ARHGAP15: variants seen among roughly 807,000 people sequenced by gnomAD.
The protein encoded by ARHGAP15 is Rho GTPase activating protein 15.
ARHGAP15 carries 51 observed loss-of-function variants against 63.7 expected under a neutral mutation model. That is an observed-to-expected ratio of 0.80 (90% CI 0.64 to 1.01). The LOEUF is 1.01. ARHGAP15 is among the 50% of genes least tolerant of loss of function. The probability of loss-of-function intolerance (pLI) is 0.00; values close to 1 mark genes in which losing one functional copy is unlikely to be tolerated. For synonymous variants in ARHGAP15, 191 were observed against 193.8 expected, an observed-to-expected ratio of 0.99 and a Z score of 0.12; for missense variants, 560 against 564.6, an observed-to-expected ratio of 0.99 and a Z score of 0.08.
chr2:143,148,430 C>T (rs1689679950), intron 1 of ARHGAP15, among the ~76,000 whole-genome samples: 1 of 152,008 alleles, frequency 6.6e-6, no homozygotes, highest in African/African-American at 2.4e-5. Context: ...GCTTTGCTCC[C>T]AACAGGATGG....
intron 8 of ARHGAP15, among the ~76,000 whole-genome samples, chr2:143,438,465 T>C (rs753920273): frequency 2.6e-5 from 4 of 152,006 alleles, no homozygotes; most frequent in South Asian, 2.1e-4. Context: ...ATCTAGAAAT[T>C]GCATGAGAAT....
chr2:143,662,003 G>A lies in ARHGAP15; in HGVS notation c.1138+37736G>A, dbSNP rs531675052. Among the ~76,000 whole-genome samples, 382 of 152,304 alleles carry A rather than the reference G, an allele frequency of 2.5e-3. 4 individuals are homozygous for A. Among genetic ancestry groups the A allele is most frequent in the African/African-American group, 8.7e-3 (362 of 41,562 alleles). ...CAGCGAGGCTGGGGGAGGGGCGCCCGCCATTGCCCAGGCTTGCTTAGGTAA... is the reference window on the plus strand; with the variant it reads ...CAGCGAGGCTGGGGGAGGGGCGCCCACCATTGCCCAGGCTTGCTTAGGTAA... On this transcript the variant is annotated intron_variant, in intron 12 of 13. Transcript: ENST00000295095.
At chr2:143,340,686 T>C (rs116429186) in intron 6 of ARHGAP15, among the ~76,000 whole-genome samples, 1,962 of 152,170 alleles carry the variant, frequency 0.013, 43 homozygotes, top group African/African-American at 0.045. Context: ...GGAATGCTGA[T>C]TCTCATAACA....
At chr2:143,349,059 C>T (rs1209856759) in intron 6 of ARHGAP15, among the ~76,000 whole-genome samples, 1 of 152,134 alleles carries the variant, frequency 6.6e-6, no homozygotes, top group Non-Finnish European at 1.5e-5. Context: ...ACAAATATAA[C>T]ATGTCAAAGG....
intron 6 of ARHGAP15, among the ~76,000 whole-genome samples, chr2:143,372,599 T>G (rs1686610887): frequency 1.3e-5 from 2 of 152,138 alleles, no homozygotes; most frequent in Admixed American, 6.5e-5. Context: ...TATATTTTTA[T>G]GGGAGTTAGG....
chr2:143,648,033 T>G (rs1015638128), intron 12 of ARHGAP15, among the ~76,000 whole-genome samples: 2 of 152,046 alleles, frequency 1.3e-5, no homozygotes, highest in African/African-American at 4.8e-5. Flanking sequence ...GGATTGATAC[T>G]GCAGCACCCA....
intron 12 of ARHGAP15, among the ~76,000 whole-genome samples, chr2:143,671,140 T>A (rs1018633448): frequency 5.3e-5 from 8 of 152,228 alleles, no homozygotes; most frequent in African/African-American, 1.9e-4. Context: ...ATGAACAAGG[T>A]TCATGCAATA....
intron 6 of ARHGAP15, among the ~76,000 whole-genome samples, chr2:143,425,421 CAT>C (rs1405374013): frequency 4.0e-5 from 6 of 151,664 alleles, no homozygotes; most frequent in Non-Finnish European, 5.9e-5. Flanking sequence ...TATGTATGTA[CAT>C]ATATGATACG....
intron 6 of ARHGAP15, among the ~76,000 whole-genome samples, chr2:143,313,348 T>C (rs1683535601): frequency 6.6e-6 from 1 of 152,156 alleles, no homozygotes; most frequent in Non-Finnish European, 1.5e-5. Flanking sequence ...GAAAATTAAA[T>C]ACCCGCTTCT....
chr2:143,588,183 C>T (rs148868605), intron 11 of ARHGAP15, among the ~76,000 whole-genome samples: 3 of 152,080 alleles, frequency 2.0e-5, no homozygotes, highest in African/African-American at 7.2e-5. Flanking sequence ...TGCTGTCTAC[C>T]CCTCCATCTA....
At chr2:143,464,986 A>C (rs1691132036) in intron 8 of ARHGAP15, among the ~76,000 whole-genome samples, 1 of 152,170 alleles carries the variant, frequency 6.6e-6, no homozygotes, top group African/African-American at 2.4e-5. Flanking sequence ...TTCTTTTAAA[A>C]TAGTTCCTCA....
At chr2:143,134,015 T>C (rs1689015293) in intron 1 of ARHGAP15, among the ~76,000 whole-genome samples, 1 of 152,218 alleles carries the variant, frequency 6.6e-6, no homozygotes, top group South Asian at 2.1e-4. Context: ...ATATCATACT[T>C]AATTTAACCA....
chr2:143,463,672 G>T (rs537977364), intron 8 of ARHGAP15, among the ~76,000 whole-genome samples: 6 of 152,198 alleles, frequency 3.9e-5, no homozygotes, highest in African/African-American at 1.4e-4. Context: ...CTGCTTCTCT[G>T]TTGAACCCAG....
intron 6 of ARHGAP15, among the ~76,000 whole-genome samples, chr2:143,341,864 A>G (rs1336767829): frequency 6.6e-6 from 1 of 152,178 alleles, no homozygotes; most frequent in Non-Finnish European, 1.5e-5. Flanking sequence ...AATACTGATT[A>G]TTCTTAACTC....
intron 10 of ARHGAP15, among the ~76,000 whole-genome samples, chr2:143,542,081 C>T (rs1695090591): frequency 1.3e-5 from 2 of 152,202 alleles, no homozygotes; most frequent in Admixed American, 1.3e-4. Flanking sequence ...CAATTGCGGG[C>T]ACCCCTCCCC....
chr2:143,365,180 G>T lies in ARHGAP15; in HGVS notation c.475-70421G>T, dbSNP rs558972874. Among the ~76,000 whole-genome samples, 9 of 152,280 alleles carry T rather than the reference G, an allele frequency of 5.9e-5. No homozygotes were observed. The East Asian group carries it at 1.7e-3, about 29-fold the overall frequency. On this transcript the variant is annotated intron_variant, in intron 6 of 13. Coordinates refer to ENST00000295095, the MANE Select transcript of ARHGAP15 (RefSeq NM_018460.4). The stretch of plus-strand genomic sequence containing the variant: ...TGTAAAACAACTGACCACCCAATTT[G>T]TGTTAAAACCTTATGACCCTATCTC...
chr2:143,213,391 T>G (rs1187762647), intron 3 of ARHGAP15, among the ~76,000 whole-genome samples: 4 of 152,086 alleles, frequency 2.6e-5, no homozygotes. Flanking sequence ...CACATGCCTG[T>G]AATCCCAGCT....
intron 6 of ARHGAP15, among the ~76,000 whole-genome samples, chr2:143,329,927 CA>C (rs374076426): frequency 1.3e-3 from 140 of 109,186 alleles, no homozygotes; most frequent in Admixed American, 1.4e-3. Context: ...CCCATCACTA[CA>C]AAAAAAAAAA....
At chr2:143,297,514 C>A (rs953475401) in intron 6 of ARHGAP15, among the ~76,000 whole-genome samples, 11 of 151,934 alleles carry the variant, frequency 7.2e-5, no homozygotes, top group Non-Finnish European at 1.5e-5. Flanking sequence ...TCCTTTACCC[C>A]CTTTGTGTGG....
Sources: allele counts gnomAD v4.1 joint callset (sites outside exome capture counted in the v4.1 genomes callset), GRCh38; gene constraint gnomAD v4.1.1; transcripts MANE v1.5; gene names NCBI Gene and HGNC (gene_info 2026-07-23, HGNC 2026-07-21).